The following SEMA3A variants were observed in gnomAD, a reference collection of about 807,000 sequenced individuals.
SEMA3A encodes semaphorin-3A.
A neutral mutation model predicts 97.9 loss-of-function variants in SEMA3A; 29 were observed. That is an observed-to-expected ratio of 0.30 (90% CI 0.22 to 0.40). The LOEUF (loss-of-function observed/expected upper bound fraction) is 0.40, where lower values mean the gene tolerates loss of function less well. Among genes scored for constraint, SEMA3A ranks in the 10% least tolerant of loss-of-function variants. SEMA3A has a pLI of 1.00. For missense variants in SEMA3A, 763 were observed against 951.3 expected, an observed-to-expected ratio of 0.80 and a Z score of 2.60; for synonymous variants, 321 against 323.7, an observed-to-expected ratio of 0.99 and a Z score of 0.09.
chr7:84,190,967 A>T (rs981543965), intron 1 of SEMA3A, among the ~76,000 whole-genome samples: 2 of 146,986 alleles, frequency 1.4e-5, no homozygotes, highest in African/African-American at 4.9e-5. Flanking sequence ...GTATATACAC[A>T]CACACACACA....
At chr7:84,483,787 G>A (rs1292803709) in intron 1 of SEMA3A, among the ~76,000 whole-genome samples, 4 of 152,156 alleles carry the variant, frequency 2.6e-5, no homozygotes, top group Non-Finnish European at 4.4e-5. Context: ...GCTCACGCCT[G>A]TAATCCCAGC....
intron 1 of SEMA3A, among the ~76,000 whole-genome samples, chr7:84,392,508 T>A (rs1050191892): frequency 6.6e-6 from 1 of 152,190 alleles, no homozygotes; most frequent in African/African-American, 2.4e-5. Flanking sequence ...TTGGCTATTG[T>A]GAATAGTGCT....
chr7:84,366,090 C>A (rs1360963998), intron 2 of SEMA3A, among the ~76,000 whole-genome samples: 2 of 151,370 alleles, frequency 1.3e-5, no homozygotes, highest in Non-Finnish European at 3.0e-5. Flanking sequence ...AAACCTGTCA[C>A]AGACAGACAC....
intron 3 of SEMA3A, among the ~76,000 whole-genome samples, chr7:84,293,490 T>A (rs1483159401): frequency 6.6e-6 from 1 of 151,978 alleles, no homozygotes; most frequent in Non-Finnish European, 1.5e-5. Flanking sequence ...CTAATAGACA[T>A]GAGAAAAGTA....
intron 6 of SEMA3A, among the ~76,000 whole-genome samples, chr7:84,043,867 C>T (rs1390931124): frequency 6.6e-6 from 1 of 152,028 alleles, no homozygotes; most frequent in East Asian, 1.9e-4. Flanking sequence ...GAGCTGTGGA[C>T]AATGCCTGTG....
At chr7:84,206,927 A>G (rs1255922210) in intron 3 of SEMA3A, among the ~76,000 whole-genome samples, 20 of 152,148 alleles carry the variant, frequency 1.3e-4, no homozygotes, top group Non-Finnish European at 2.8e-4. Context: ...AACTCATTCT[A>G]TCTCTACTTT....
At chr7:84,019,024 C>G (rs1293141192) in intron 6 of SEMA3A, among the ~76,000 whole-genome samples, 1 of 152,078 alleles carries the variant, frequency 6.6e-6, no homozygotes, top group Non-Finnish European at 1.5e-5. Context: ...TGAGAAAGGA[C>G]AGTGACCTGG....
At chr7:83,964,829 C>T (rs1408324973) in intron 15 of SEMA3A, among the ~76,000 whole-genome samples, 2 of 151,938 alleles carry the variant, frequency 1.3e-5, no homozygotes, top group Non-Finnish European at 2.9e-5. Flanking sequence ...CTTCATGTGC[C>T]AATATCTATA....
At chr7:83,994,063 A>G (rs1020643987) in intron 12 of SEMA3A, among the ~76,000 whole-genome samples, 3 of 149,056 alleles carry the variant, frequency 2.0e-5, no homozygotes, top group African/African-American at 7.5e-5. Flanking sequence ...CATTTCATTC[A>G]TTTCATCTTC....
At chr7:84,432,671 G>A (rs1209113962) in intron 1 of SEMA3A, among the ~76,000 whole-genome samples, 2 of 152,018 alleles carry the variant, frequency 1.3e-5, no homozygotes, top group African/African-American at 4.8e-5. Context: ...AATTCACTTA[G>A]GATAATTGTC....
chr7:84,098,096 T>C (rs1794832841), intron 4 of SEMA3A, among the ~76,000 whole-genome samples: 1 of 152,072 alleles, frequency 6.6e-6, no homozygotes, highest in South Asian at 2.1e-4. Context: ...TAATTTATGC[T>C]ATATAAAATT....
At chr7:84,304,376 C>T (rs533088519) in intron 3 of SEMA3A, among the ~76,000 whole-genome samples, 2 of 151,588 alleles carry the variant, frequency 1.3e-5, no homozygotes, top group Non-Finnish European at 1.5e-5. Context: ...TAATTACTTG[C>T]CAAATAAAGA....
intron 1 of SEMA3A, among the ~76,000 whole-genome samples, chr7:84,472,194 T>A (rs990401392): frequency 1.3e-5 from 2 of 152,094 alleles, no homozygotes; most frequent in African/African-American, 4.8e-5. Flanking sequence ...ATGATAATAT[T>A]GTTCATGAAC....
At chr7:84,392,645 C>A (rs1473448185) in intron 1 of SEMA3A, among the ~76,000 whole-genome samples, 2 of 152,110 alleles carry the variant, frequency 1.3e-5, no homozygotes, top group Non-Finnish European at 2.9e-5. Flanking sequence ...ATACAATTTT[C>A]CATAATGCTT....
chr7:84,178,697 A>G (rs930146713), intron 1 of SEMA3A, among the ~76,000 whole-genome samples: 2 of 152,132 alleles, frequency 1.3e-5, no homozygotes, highest in African/African-American at 2.4e-5. Flanking sequence ...TTATTTAATT[A>G]TGTCCATTGG....
intron 1 of SEMA3A, among the ~76,000 whole-genome samples, chr7:84,384,088 C>A (rs1803338946): frequency 6.6e-6 from 1 of 152,096 alleles, no homozygotes. Context: ...CAAAGAGGGA[C>A]ACATGAAAGT....
At chr7:84,063,233 A>T (rs1230477974) in intron 4 of SEMA3A, among the ~76,000 whole-genome samples, 3 of 151,068 alleles carry the variant, frequency 2.0e-5, no homozygotes, top group Admixed American at 2.0e-4. Flanking sequence ...GAAAACTAAC[A>T]AACAGAAAGG....
chr7:84,449,663 A>G (rs1230428829), intron 1 of SEMA3A, among the ~76,000 whole-genome samples: 4 of 152,136 alleles, frequency 2.6e-5, no homozygotes, highest in African/African-American at 9.7e-5. Flanking sequence ...ATACTCAAAT[A>G]TACGTTGAGT....
At chr7:84,477,098 CA>C (rs1183354604) in intron 1 of SEMA3A, among the ~76,000 whole-genome samples, 2 of 141,678 alleles carry the variant, frequency 1.4e-5, no homozygotes, top group Non-Finnish European at 3.1e-5. Flanking sequence ...ATATATTTTT[CA>C]AAAAAAATCC....
Sources: allele counts gnomAD v4.1 joint callset (sites outside exome capture counted in the v4.1 genomes callset), GRCh38; gene constraint gnomAD v4.1.1; transcripts MANE v1.5; gene names NCBI Gene and HGNC (gene_info 2026-07-23, HGNC 2026-07-21).